The following NEURL1B variants were observed in gnomAD, a reference collection of about 807,000 sequenced individuals.
NEURL1B encodes the protein E3 ubiquitin-protein ligase NEURL1B.
A neutral mutation model predicts 37.4 loss-of-function variants in NEURL1B; 13 were observed. That is an observed-to-expected ratio of 0.35 (90% CI 0.23 to 0.55). The LOEUF is 0.55. NEURL1B is among the 20% of genes least tolerant of loss of function. The pLI, the probability that NEURL1B is intolerant of heterozygous loss-of-function variation, is 0.89. For synonymous variants in NEURL1B, 432 were observed against 426.6 expected, an observed-to-expected ratio of 1.01 and a Z score of -0.16; for missense variants, 790 against 879.2, an observed-to-expected ratio of 0.90 and a Z score of 1.28.
rs1360951122 is a variant in NEURL1B at position 172,675,606 on chromosome 5, C to A, written c.577+5276C>A. The stretch of plus-strand genomic sequence containing the variant: ...CTGGAGCCAGGAGAGGAAGCTTCTG[C>A]CAGGCCATGCGCTCCCTTCCCTCCC... On this transcript the variant is annotated intron_variant, in intron 2 of 4. Transcript: ENST00000369800. This position sits in a 1 kb window ranked among gnomAD's most constrained non-coding sequence, Gnocchi z 4.7. 7.9e-6 allele frequency among the ~76,000 whole-genome samples: 1 copy of A among 126,176 alleles called. No individual in the cohort carries two copies. The highest frequency in any genetic ancestry group is 1.7e-5 in the Non-Finnish European group (1 of 59,340). 82.8% of individuals were successfully genotyped at this position (126,176 alleles called of 152,430 possible). A position where few individuals can be genotyped will look rare whatever the true frequency, so the allele number is the denominator to read the frequency against.
chr5:172,641,461 G>A lies in NEURL1B; in HGVS notation c.31+24G>A. ...AGGTACGCCGGGGAGCCCTGCCCGG[G>A]AGGCGGGCGCCGGGCTTCTCTCCTC... is the stretch of plus-strand genomic sequence containing the variant. On this transcript the variant is annotated intron_variant, in intron 1 of 4. Transcript: ENST00000369800. This position sits in a 1 kb window ranked among gnomAD's most constrained non-coding sequence, Gnocchi z 6.4. 1 of 1,312,568 alleles carries A rather than the reference G, an allele frequency of 7.6e-7. No individual in the cohort carries two copies. The highest frequency in any genetic ancestry group is 9.7e-7 in the Non-Finnish European group (1 of 1,032,078). The allele number at this position is 1,312,568 out of a possible 1,614,324, so 81.3% of individuals were successfully genotyped here.
At chr5:172,684,237 G>T (rs1758436247) in intron 3 of NEURL1B, 99 bp downstream of exon 3, 1 of 1,019,422 alleles carries the variant, frequency 9.8e-7, no homozygotes, top group Non-Finnish European at 1.2e-6. Context: ...CTCTCGCTAG[G>T]CGCTGCACCG....
In NEURL1B at chr5:172,661,044, T is replaced by A. The variant is rs1027596565; in HGVS notation, c.32-8741T>A. ...GGATATGGCGGGAAGCCTTGCTAAA[T>A]ACCAGCCTTGCCTTTTCCTCTCTCT... is the stretch of plus-strand genomic sequence containing the variant. On this transcript the variant is annotated intron_variant, in intron 1 of 4. Transcript: ENST00000369800. This position sits in a 1 kb window ranked among gnomAD's most constrained non-coding sequence, Gnocchi z 4.0. Among the ~76,000 whole-genome samples the A allele has an allele frequency of 6.6e-6, 1 of 152,146 alleles. No homozygotes were observed. The highest frequency in any genetic ancestry group is 6.5e-5 in the Admixed American group (1 of 15,282).
In NEURL1B at chr5:172,669,942, C is replaced by T. The variant is rs1402532716; in HGVS notation, c.189C>T (p.Asn63=). The T allele has an allele frequency of 5.5e-6, 8 of 1,458,110 alleles. No individual in the cohort carries two copies. Among genetic ancestry groups the T allele is most frequent in the Admixed American group, 5.5e-5 (2 of 36,680 alleles). The allele number at this position is 1,458,110 out of a possible 1,614,324, so 90.3% of individuals were successfully genotyped here. A position where few individuals can be genotyped will look rare whatever the true frequency, so the allele number is the denominator to read the frequency against. ...ACTCGCGCCGGGCCACACGGCGCAA[C>T]AGCTTCTGCAATGGCGTCACGTTCA... The part of the protein sequence containing the change: ...DGHSRRATRR[N]SFCNGVTFTQ... Residue 63 remains asparagine (N), a synonymous_variant, in exon 2 of 5, where the codon AAC becomes AAT. Coordinates refer to ENST00000369800, the MANE Select transcript of NEURL1B (RefSeq NM_001142651.3).
chr5:172,684,154 C>T lies in NEURL1B; in HGVS notation c.1297+16C>T, dbSNP rs1300629152. 4.9e-6 allele frequency: 6 copies of T among 1,227,206 alleles called. No individual in the cohort carries two copies. The East Asian group carries it at 1.7e-4, about 35-fold the overall frequency. The allele number at this position is 1,227,206 out of a possible 1,614,324, so 76.0% of individuals were successfully genotyped here. A position where few individuals can be genotyped will look rare whatever the true frequency, so the allele number is the denominator to read the frequency against. On this transcript the variant is annotated intron_variant, in intron 3 of 4. Transcript: ENST00000369800. ...CGTCTCCTCGGTGAGTCCCCGGCCC[C>T]GCGTGCGCGAGGCCCCGCCCCTCCC...
chr5:172,667,642 C>A (rs978979098), intron 1 of NEURL1B, among the ~76,000 whole-genome samples: 1 of 152,046 alleles, frequency 6.6e-6, no homozygotes, highest in African/African-American at 2.4e-5. Flanking sequence ...GGTACCTACC[C>A]CCAATAGGAG....
rs971603783 is a variant in NEURL1B, at chr5:172,669,915, C to T, written c.162C>T (p.Gly54=). ...QAKGKNVRLD[G]HSRRATRRNS... ...AAGGCAAGAACGTGCGGCTGGACGG[C>T]CACTCGCGCCGGGCCACACGGCGCA... Residue 54 remains glycine (G), a synonymous_variant, in exon 2 of 5, where the codon GGC becomes GGT. Coordinates refer to ENST00000369800, the MANE Select transcript of NEURL1B (RefSeq NM_001142651.3). 3.4e-6 allele frequency: 5 copies of T among 1,451,260 alleles called. No individual in the cohort carries two copies. In the Admixed American group the frequency reaches 8.7e-5, roughly 25 times the overall value. The allele number at this position is 1,451,260 out of a possible 1,614,324, so 89.9% of individuals were successfully genotyped here.
At chr5:172,680,590 CT>C (rs968799316) in intron 2 of NEURL1B, among the ~76,000 whole-genome samples, 6 of 152,108 alleles carry the variant, frequency 3.9e-5, no homozygotes, top group African/African-American at 1.4e-4. Context: ...ATTTATATGC[CT>C]TTTTTCTGAT....
intron 2 of NEURL1B, among the ~76,000 whole-genome samples, chr5:172,679,870 C>G (rs1334022997): frequency 1.3e-5 from 2 of 152,164 alleles, no homozygotes; most frequent in African/African-American, 4.8e-5. Flanking sequence ...TATACACCCT[C>G]AGAGAATCCC....
At chr5:172,650,733 G>T (rs191703537) in intron 1 of NEURL1B, among the ~76,000 whole-genome samples, 1 of 152,196 alleles carries the variant, frequency 6.6e-6, no homozygotes, top group Non-Finnish European at 1.5e-5. Context: ...AATGGTGAGC[G>T]CACACTTGGA....
At chr5:172,677,924 T>G (rs942945900) in intron 2 of NEURL1B, among the ~76,000 whole-genome samples, 7 of 152,140 alleles carry the variant, frequency 4.6e-5, no homozygotes, top group Non-Finnish European at 8.8e-5. Context: ...ACCCTCTCCT[T>G]TTCCCTCTTA....
chr5:172,655,571 A>C (rs562409628), intron 1 of NEURL1B, among the ~76,000 whole-genome samples: 8 of 152,296 alleles, frequency 5.3e-5, no homozygotes, highest in African/African-American at 1.9e-4. Flanking sequence ...CACCACCAGC[A>C]GGGTGGTCAT....
intron 2 of NEURL1B, among the ~76,000 whole-genome samples, chr5:172,677,822 A>G (rs1035017292): frequency 6.6e-6 from 1 of 152,020 alleles, no homozygotes; most frequent in Non-Finnish European, 1.5e-5. Flanking sequence ...CGTCTTTTCA[A>G]AACACCCTCC....
rs925947632 is a variant in NEURL1B, at chr5:172,641,465, C to T, written c.31+28C>T. 106 of 1,297,710 alleles carry T rather than the reference C, an allele frequency of 8.2e-5. No individual in the cohort carries two copies. In the East Asian group the frequency reaches 2.8e-3, roughly 35 times the overall value. 80.4% of individuals were successfully genotyped at this position (1,297,710 alleles called of 1,614,324 possible). On this transcript the variant is annotated intron_variant, in intron 1 of 4. Transcript: ENST00000369800. This position sits in a 1 kb window ranked among gnomAD's most constrained non-coding sequence, Gnocchi z 6.4. ...ACGCCGGGGAGCCCTGCCCGGGAGG[C>T]GGGCGCCGGGCTTCTCTCCTCCGGG...
At chr5:172,643,613 G>A (rs1354126514) in intron 1 of NEURL1B, among the ~76,000 whole-genome samples, 2 of 152,130 alleles carry the variant, frequency 1.3e-5, no homozygotes, top group African/African-American at 4.8e-5. Flanking sequence ...TGATCATCTT[G>A]TATCCCTGGT....
chr5:172,669,006 G>T (rs1758068853), intron 1 of NEURL1B, among the ~76,000 whole-genome samples: 1 of 152,296 alleles, frequency 6.6e-6, no homozygotes, highest in East Asian at 1.9e-4. Flanking sequence ...CTGAGGGGAG[G>T]GGAATCCCTG....
rs148463819 is a variant in NEURL1B, at chr5:172,689,668, G to T, written c.*2743G>T. The T allele has an allele frequency of 6.6e-6, 1 of 152,216 alleles. No individual in the cohort carries two copies. Among genetic ancestry groups the T allele is most frequent in the Non-Finnish European group, 1.5e-5 (1 of 68,046 alleles). The allele number at this position is 152,216 out of a possible 1,614,324, so 9.4% of individuals were successfully genotyped here. On this transcript the variant is annotated 3_prime_UTR_variant, in exon 5 of 5. Coordinates refer to ENST00000369800, the MANE Select transcript of NEURL1B (RefSeq NM_001142651.3). ...GATGGCAGGGCTGGGATTCAAACCC[G>T]GGAGTGTCTGCTGCCACATCCCACA...
intron 2 of NEURL1B, among the ~76,000 whole-genome samples, 200 bp downstream of exon 2, chr5:172,670,530 A>G (rs1377487917): frequency 6.6e-6 from 1 of 152,256 alleles, no homozygotes; most frequent in Non-Finnish European, 1.5e-5. Flanking sequence ...TGAGGCATAG[A>G]GAGGTTAAAT....
chr5:172,660,141 CCT>C (rs1757867605), intron 1 of NEURL1B, among the ~76,000 whole-genome samples: 1 of 152,228 alleles, frequency 6.6e-6, no homozygotes, highest in African/African-American at 2.4e-5. Flanking sequence ...ATTCCCCCCA[CCT>C]CTCACTGCAG....
Sources: allele counts gnomAD v4.1 joint callset (sites outside exome capture counted in the v4.1 genomes callset), GRCh38; gene constraint gnomAD v4.1.1; non-coding constraint Gnocchi (gnomAD v3.1); transcripts MANE v1.5; gene names NCBI Gene and HGNC (gene_info 2026-07-23, HGNC 2026-07-21).